The following HDAC4 variants were observed in gnomAD, a reference collection of about 807,000 sequenced individuals.
HDAC4 encodes histone deacetylase A.
A neutral mutation model predicts 135.1 loss-of-function variants in HDAC4; 16 were observed. That is an observed-to-expected ratio of 0.12 (90% CI 0.08 to 0.18). HDAC4 has a LOEUF of 0.18. Ranked by LOEUF, HDAC4 falls within the 10% of genes least tolerant of loss-of-function variation. The pLI is 1.00. For missense variants in HDAC4, 1,143 were observed against 1,511.8 expected (o/e 0.76, Z 4.05); for synonymous variants, 685 against 653.4 (o/e 1.05, Z -0.74).
chr2:239,129,527 G>GT (rs1575130516), intron 11 of HDAC4, among the ~76,000 whole-genome samples: 1 of 152,164 alleles, frequency 6.6e-6, no homozygotes, highest in East Asian at 1.9e-4. Flanking sequence ...CTTAGCCAGG[G>GT]TTTTTCCAGC....
intron 3 of HDAC4, among the ~76,000 whole-genome samples, chr2:239,226,937 C>T (rs184587010): frequency 1.3e-5 from 2 of 152,334 alleles, no homozygotes; most frequent in East Asian, 3.9e-4. Context: ...TGTCAGGATC[C>T]CTCCAAGATT....
intron 2 of HDAC4, among the ~76,000 whole-genome samples, chr2:239,244,889 C>T (rs910204820): frequency 6.6e-6 from 1 of 152,208 alleles, no homozygotes; most frequent in Non-Finnish European, 1.5e-5. Context: ...CTTGTGCCCA[C>T]CCAACCGGCC....
chr2:239,192,090 T>C (rs2045005516), intron 3 of HDAC4, among the ~76,000 whole-genome samples: 1 of 152,258 alleles, frequency 6.6e-6, no homozygotes, highest in Non-Finnish European at 1.5e-5. Context: ...AAGGTTTTCA[T>C]TTGCTATTAT....
In HDAC4 at chr2:239,108,438, C is replaced by G. The variant is rs532956106; in HGVS notation, c.1979-255G>C. On this transcript the variant is annotated intron_variant, in intron 14 of 26. Coordinates refer to ENST00000543185, the MANE Select transcript of HDAC4 (RefSeq NM_001378414.1). Reference sequence around the variant, plus strand: ...CATGCTCACAGTAACGCCCCAGGACCCAGGCAGGGACGTGCGCAGCTGCCC... The same window carrying G: ...CATGCTCACAGTAACGCCCCAGGACGCAGGCAGGGACGTGCGCAGCTGCCC... Among the ~76,000 whole-genome samples, 210 of 152,238 alleles carry G rather than the reference C, an allele frequency of 1.4e-3. 2 individuals are homozygous for G. Among genetic ancestry groups the G allele is most frequent in the African/African-American group, 5.0e-3 (208 of 41,544 alleles).
chr2:239,181,380 G>A (rs924207596), intron 4 of HDAC4, among the ~76,000 whole-genome samples: 5 of 152,244 alleles, frequency 3.3e-5, no homozygotes, highest in Non-Finnish European at 7.3e-5. Flanking sequence ...TGTGGGCACA[G>A]GCAAGGCAGG....
chr2:239,071,272 G>A (rs2034174127), intron 22 of HDAC4, among the ~76,000 whole-genome samples: 1 of 152,070 alleles, frequency 6.6e-6, no homozygotes, highest in Admixed American at 6.6e-5. Flanking sequence ...ACAAAAATCC[G>A]GGTGTGGTGG....
At chr2:239,161,971 G>A (rs929618980) in intron 6 of HDAC4, 9 of 392,086 alleles carry the variant, frequency 2.3e-5, no homozygotes, top group South Asian at 1.7e-4. Flanking sequence ...TCAGGTCCAG[G>A]CCACTGCCCG....
rs542195481 is a variant in HDAC4, at chr2:239,189,591, A to T, written c.339+242T>A. Among the ~76,000 whole-genome samples the T allele has an allele frequency of 2.0e-5, 3 of 152,302 alleles. No homozygotes were observed. The South Asian group carries it at 6.2e-4, about 32-fold the overall frequency. On this transcript the variant is annotated intron_variant, in intron 4 of 26. Coordinates refer to ENST00000543185, the MANE Select transcript of HDAC4 (RefSeq NM_001378414.1). ...GGCGATAAGCATTTTTCCTATTTGG[A>T]ATATGCTTCCACTCAATGACTTTGG...
At chr2:239,316,933 T>C (rs1039625359) in intron 2 of HDAC4, among the ~76,000 whole-genome samples, 2 of 152,052 alleles carry the variant, frequency 1.3e-5, no homozygotes, top group African/African-American at 4.8e-5. Flanking sequence ...AATCAAAAAG[T>C]ACACAGGGGG....
intron 4 of HDAC4, 94 bp downstream of exon 4, chr2:239,189,739 G>A: frequency 7.7e-7 from 1 of 1,298,590 alleles, no homozygotes; most frequent in Non-Finnish European, 1.1e-6. Context: ...TCATGCCTGG[G>A]GCCCCAGCAC....
intron 2 of HDAC4, among the ~76,000 whole-genome samples, chr2:239,251,127 G>T (rs539211670): frequency 6.6e-6 from 1 of 152,198 alleles, no homozygotes; most frequent in African/African-American, 2.4e-5. Context: ...AACTTTAAAC[G>T]ATTTCAAGAC....
chr2:239,073,875 C>T (rs190739525), intron 22 of HDAC4, among the ~76,000 whole-genome samples: 2 of 152,366 alleles, frequency 1.3e-5, no homozygotes, highest in East Asian at 3.9e-4. Flanking sequence ...CTGCCCTGGA[C>T]ACTGGAAGGC....
intron 2 of HDAC4, among the ~76,000 whole-genome samples, chr2:239,302,431 C>T (rs1575653421): frequency 6.6e-6 from 1 of 152,248 alleles, no homozygotes; most frequent in East Asian, 1.9e-4. Flanking sequence ...GGCCCTTCCA[C>T]AGGAATCCAG....
chr2:239,304,578 T>G (rs899387963), intron 2 of HDAC4, among the ~76,000 whole-genome samples: 4 of 152,188 alleles, frequency 2.6e-5, no homozygotes, highest in African/African-American at 9.7e-5. Context: ...AAAGATATGC[T>G]GTTTTTAAAA....
chr2:239,166,285 G>A (rs567057831), intron 5 of HDAC4, among the ~76,000 whole-genome samples: 9 of 152,172 alleles, frequency 5.9e-5, no homozygotes, highest in Non-Finnish European at 1.3e-4. Flanking sequence ...GAAACACAAA[G>A]ACATTAACTA....
intron 16 of HDAC4, among the ~76,000 whole-genome samples, chr2:239,101,436 C>G (rs137876406): frequency 6.6e-6 from 1 of 152,150 alleles, no homozygotes; most frequent in African/African-American, 2.4e-5. Flanking sequence ...CTGAGTCTGC[C>G]GGGCACAGGC....
At chr2:239,351,444 A>G (rs1693149222) in intron 2 of HDAC4, among the ~76,000 whole-genome samples, 1 of 152,246 alleles carries the variant, frequency 6.6e-6, no homozygotes, top group Admixed American at 6.5e-5. Context: ...TAGACACAGA[A>G]AAAAGATACA....
In HDAC4 at chr2:239,349,584, C is replaced by T. The variant is rs1692973830; in HGVS notation, c.22+3094G>A. Among the ~76,000 whole-genome samples, 2 of 152,164 alleles carry T rather than the reference C, an allele frequency of 1.3e-5. No homozygotes were observed. Among genetic ancestry groups the T allele is most frequent in the Non-Finnish European group, 1.5e-5 (1 of 68,016 alleles). On this transcript the variant is annotated intron_variant, in intron 2 of 26. Coordinates refer to ENST00000543185, the MANE Select transcript of HDAC4 (RefSeq NM_001378414.1). The surrounding 1 kb of genome is among the most constrained non-coding windows in gnomAD (Gnocchi z 5.7). The stretch of plus-strand genomic sequence containing the variant: ...AGGCACACAAGCGAGTGGGCCTCGC[C>T]CAGGAGGGAGGGCACGGTTCTGGGC...
chr2:239,374,420 T>G (rs1694855434), intron 1 of HDAC4, among the ~76,000 whole-genome samples: 1 of 84,066 alleles, frequency 1.2e-5, no homozygotes, highest in Admixed American at 1.7e-4. Context: ...TTTTTTTTTT[T>G]TGAGACGGAG....
Sources: allele counts gnomAD v4.1 joint callset (sites outside exome capture counted in the v4.1 genomes callset), GRCh38; gene constraint gnomAD v4.1.1; non-coding constraint Gnocchi (gnomAD v3.1); transcripts MANE v1.5; gene names NCBI Gene and HGNC (gene_info 2026-07-23, HGNC 2026-07-21).